ACTR3: variants seen among roughly 807,000 people sequenced by gnomAD.
ACTR3 encodes the protein actin-related protein 3.
A neutral mutation model predicts 56.8 loss-of-function variants in ACTR3; 12 were observed. That is an observed-to-expected ratio of 0.21 (90% CI 0.14 to 0.34). The LOEUF (loss-of-function observed/expected upper bound fraction) is 0.34, where lower values mean the gene tolerates loss of function less well. ACTR3 is among the 10% of genes least tolerant of loss of function. The pLI is 1.00. For missense variants in ACTR3, 282 were observed against 512.5 expected, an observed-to-expected ratio of 0.55 and a Z score of 4.34; for synonymous variants, 162 against 167.4, an observed-to-expected ratio of 0.97 and a Z score of 0.25.
intron 1 of ACTR3, among the ~76,000 whole-genome samples, chr2:113,891,266 C>T (rs1392442727): frequency 1.3e-5 from 2 of 152,070 alleles, no homozygotes; most frequent in East Asian, 3.9e-4. Flanking sequence ...AAGTTGTATT[C>T]GTTCATTCTG....
chr2:113,890,228 C>A lies in ACTR3; in HGVS notation c.-52C>A, dbSNP rs576896615. ...TGTCTCCCGCCGCCAATCTCTGGCC[C>A]CTAGCAGCACGGAGCAGACGGCGGC... is the stretch of plus-strand genomic sequence containing the variant. On this transcript the variant is annotated 5_prime_UTR_variant, in exon 1 of 12. Coordinates refer to ENST00000263238, the MANE Select transcript of ACTR3 (RefSeq NM_005721.5). The A allele has an allele frequency of 3.9e-6, 6 of 1,550,996 alleles. No individual in the cohort carries two copies. The highest frequency in any genetic ancestry group is 4.9e-5 in the East Asian group (2 of 40,904).
chr2:113,908,152 G>A (rs1360967556), intron 1 of ACTR3, among the ~76,000 whole-genome samples: 1 of 151,448 alleles, frequency 6.6e-6, no homozygotes, highest in Non-Finnish European at 1.5e-5. Flanking sequence ...TGAACTTTGT[G>A]TCACTGAAAA....
intron 2 of ACTR3, 102 bp from the exon 3 acceptor site, chr2:113,916,782 C>A: frequency 1.1e-6 from 1 of 937,814 alleles, no homozygotes; most frequent in Non-Finnish European, 1.5e-6. Context: ...TAGGCTAGGT[C>A]ATGTTTTACT....
intron 2 of ACTR3, among the ~76,000 whole-genome samples, chr2:113,914,881 GC>G: frequency 6.6e-6 from 1 of 152,158 alleles, no homozygotes; most frequent in Admixed American, 6.5e-5. Context: ...GTGTCTAGTG[GC>G]CTTTATTATT....
intron 6 of ACTR3, among the ~76,000 whole-genome samples, chr2:113,936,637 T>C (rs1212334427): frequency 1.3e-5 from 2 of 152,336 alleles, no homozygotes; most frequent in East Asian, 3.9e-4. Context: ...AATAATACAT[T>C]GTTAACTTGT....
rs1292998421 is a variant in ACTR3 at position 113,958,283 on chromosome 2, T to A, written c.*828T>A. On this transcript the variant is annotated 3_prime_UTR_variant, in exon 12 of 12. Coordinates refer to ENST00000263238, the MANE Select transcript of ACTR3 (RefSeq NM_005721.5). ...TACTTGTTTCAGCCTCTTTAATCTC[T>A]TTATAAGTTAACTAATAAATCTATT... The A allele has an allele frequency of 6.6e-6, 1 of 152,616 alleles. No homozygotes were observed. The highest frequency in any genetic ancestry group is 1.5e-5 in the Non-Finnish European group (1 of 67,988). The allele number at this position is 152,616 out of a possible 1,614,324, so 9.5% of individuals were successfully genotyped here.
rs1462275088 is a variant in ACTR3 at position 113,960,438 on chromosome 2, CA to C, written c.*2984del. 1 of 151,872 alleles carries C rather than the reference CA, an allele frequency of 6.6e-6. No homozygotes were observed. The highest frequency in any genetic ancestry group is 2.4e-5 in the African/African-American group (1 of 41,392). 9.4% of individuals were successfully genotyped at this position (151,872 alleles called of 1,614,324 possible). A position where few individuals can be genotyped will look rare whatever the true frequency, so the allele number is the denominator to read the frequency against. ...ATATTTTTAGAAATAATATGAAATA[CA>C]GGGATAATAGGCCAATTATGATCTT... On this transcript the variant is annotated 3_prime_UTR_variant, in exon 12 of 12. Transcript: ENST00000263238.
At position 113,916,954 on chromosome 2, in the gene ACTR3, C is replaced by T; in HGVS notation, c.171C>T (p.Asp57=). The part of the protein sequence containing the change: ...AQRRVMKGVD[D]LDFFIGDEAI... ...GGAGGGTGATGAAAGGTGTTGATGACCTAGACTTCTTCATTGGTGATGAAG... is the reference window on the plus strand; with the variant it reads ...GGAGGGTGATGAAAGGTGTTGATGATCTAGACTTCTTCATTGGTGATGAAG... Residue 57 remains aspartate, a synonymous_variant, in exon 3 of 12, where the codon GAC becomes GAT. Coordinates refer to ENST00000263238, the MANE Select transcript of ACTR3 (RefSeq NM_005721.5). 1 of 1,610,068 alleles carries T rather than the reference C, an allele frequency of 6.2e-7. No homozygotes were observed. Among genetic ancestry groups the T allele is most frequent in the Non-Finnish European group, 8.5e-7 (1 of 1,177,464 alleles).
chr2:113,937,740 A>C (rs1048865084), intron 6 of ACTR3, among the ~76,000 whole-genome samples: 11 of 152,048 alleles, frequency 7.2e-5, no homozygotes, highest in African/African-American at 2.4e-4. Context: ...TGTAATGTTT[A>C]TTTGGGTGGC....
intron 1 of ACTR3, among the ~76,000 whole-genome samples, chr2:113,911,219 G>GGA (rs1679299974): frequency 1.3e-5 from 2 of 152,060 alleles, no homozygotes; most frequent in Non-Finnish European, 1.5e-5. Context: ...TGGTGTCAGG[G>GGA]CAGCTGGGAG....
At chr2:113,894,649 G>A (rs1264955685) in intron 1 of ACTR3, among the ~76,000 whole-genome samples, 4 of 152,172 alleles carry the variant, frequency 2.6e-5, no homozygotes, top group Admixed American at 2.0e-4. Flanking sequence ...TGCGGTGAAC[G>A]AACTTTCAGG....
chr2:113,902,749 G>A (rs1409743309), intron 1 of ACTR3, among the ~76,000 whole-genome samples: 2 of 152,028 alleles, frequency 1.3e-5, no homozygotes, highest in Admixed American at 1.3e-4. Flanking sequence ...ACAGGTGCCC[G>A]TCACCACGCC....
chr2:113,931,249 G>C, intron 4 of ACTR3, 52 bp from the exon 5 acceptor site: 2 of 1,121,266 alleles, frequency 1.8e-6, no homozygotes, highest in Non-Finnish European at 2.5e-6. Flanking sequence ...TGTCAAGAAA[G>C]TTATCAAAAT....
chr2:113,931,503 A>C, intron 5 of ACTR3, 107 bp downstream of exon 5: 1 of 553,822 alleles, frequency 1.8e-6, no homozygotes, highest in Non-Finnish European at 3.0e-6. Context: ...TTTAAACATA[A>C]TGTCAAAGCA....
intron 1 of ACTR3, among the ~76,000 whole-genome samples, chr2:113,896,206 G>A (rs1330702908): frequency 6.6e-6 from 1 of 152,048 alleles, no homozygotes; most frequent in Non-Finnish European, 1.5e-5. Flanking sequence ...AAATGGTTCA[G>A]CACAGTGCCT....
chr2:113,932,803 A>T (rs1204360486), intron 5 of ACTR3, among the ~76,000 whole-genome samples: 2 of 152,112 alleles, frequency 1.3e-5, no homozygotes, highest in East Asian at 3.8e-4. Context: ...TCATTTTAAG[A>T]TTGTCAAAAA....
At chr2:113,951,339 C>T in intron 8 of ACTR3, 140 bp from the exon 9 acceptor site, 1 of 536,622 alleles carries the variant, frequency 1.9e-6, no homozygotes, top group Non-Finnish European at 3.4e-6. Flanking sequence ...TCAGTGTCTT[C>T]AATCTGAATC....
chr2:113,936,775 A>G (rs975373474), intron 6 of ACTR3, among the ~76,000 whole-genome samples: 8 of 152,176 alleles, frequency 5.3e-5, no homozygotes, highest in Non-Finnish European at 1.2e-4. Context: ...TATAACTACA[A>G]TGTGAGGAGT....
At chr2:113,929,883 T>C (rs998148768) in intron 4 of ACTR3, among the ~76,000 whole-genome samples, 1 of 151,970 alleles carries the variant, frequency 6.6e-6, no homozygotes, top group African/African-American at 2.4e-5. Context: ...TTTGCCATGT[T>C]GGCCAGGCTG....
Sources: gnomAD v4.1 joint callset for allele counts (sites outside exome capture counted in the v4.1 genomes callset) on GRCh38, gnomAD v4.1.1 for gene constraint, MANE v1.5 for transcripts, NCBI Gene and HGNC (gene_info 2026-07-23, HGNC 2026-07-21) for gene names.